GAREM2: variants seen among roughly 807,000 people sequenced by gnomAD.
GAREM2 encodes the protein GRB2-associated and regulator of MAPK protein 2.
In GAREM2, 30 loss-of-function variants were observed where a neutral mutation model predicts 55.6. That is an observed-to-expected ratio of 0.54 (90% CI 0.40 to 0.73). The LOEUF is 0.73. Among genes scored for constraint, GAREM2 ranks in the 30% least tolerant of loss-of-function variants. The pLI, the probability that GAREM2 is intolerant of heterozygous loss-of-function variation, is 0.00. For missense variants in GAREM2, 1,075 were observed against 1,257.7 expected, an observed-to-expected ratio of 0.85 and a Z score of 2.20; for synonymous variants, 550 against 569.1, an observed-to-expected ratio of 0.97 and a Z score of 0.48.
the GAREM2 span, chr2:26,195,319 A>G: frequency 8.8e-7 from 1 of 1,132,832 alleles, no homozygotes; most frequent in Non-Finnish European, 1.3e-6. Flanking sequence ...AAACACTAGA[A>G]AGAAAGGTGG....
intron 2 of GAREM2, among the ~76,000 whole-genome samples, chr2:26,178,467 T>C (rs1337090375): frequency 6.6e-6 from 1 of 152,064 alleles, no homozygotes; most frequent in East Asian, 1.9e-4. Context: ...GCCTGTAGTC[T>C]GGCTACTGGG....
At chr2:26,182,370 G>A in intron 2 of GAREM2, 1 of 1,536,674 alleles carries the variant, frequency 6.5e-7, no homozygotes, top group Non-Finnish European at 8.8e-7. Flanking sequence ...CAGGGTGTGG[G>A]AACAGAGCTG....
At chr2:26,178,572 G>A (rs193248647) in intron 2 of GAREM2, among the ~76,000 whole-genome samples, 39 of 152,258 alleles carry the variant, frequency 2.6e-4, no homozygotes, top group Non-Finnish European at 5.3e-4. Flanking sequence ...CTGGGAGACA[G>A]AGCAAGATGG....
chr2:26,186,122 G>A, intron 4 of GAREM2, 67 bp from the exon 5 acceptor site: 1 of 1,410,938 alleles, frequency 7.1e-7, no homozygotes, highest in Non-Finnish European at 9.4e-7. Flanking sequence ...CCAGCTGCTT[G>A]GGAAGGGGAA....
intron 2 of GAREM2, among the ~76,000 whole-genome samples, chr2:26,177,151 TG>T (rs1199417879): frequency 2.0e-5 from 3 of 152,050 alleles, no homozygotes; most frequent in African/African-American, 7.2e-5. Flanking sequence ...ACGGAAGGCT[TG>T]GGGGAGGAGG....
chr2:26,176,984 A>G (rs1574585580), intron 2 of GAREM2, among the ~76,000 whole-genome samples: 1 of 152,298 alleles, frequency 6.6e-6, no homozygotes, highest in Admixed American at 6.5e-5. Context: ...GGTTGACTTT[A>G]TAAGTGAATA....
At position 26,181,092 on chromosome 2, in the gene GAREM2, C is replaced by A. The variant is rs182223154; in HGVS notation, c.254-1875C>A. The A allele has an allele frequency of 2.1e-5, 21 of 985,496 alleles. No individual in the cohort carries two copies. In the African/African-American group the frequency reaches 3.5e-4, roughly 16 times the overall value. 61.0% of individuals were successfully genotyped at this position (985,496 alleles called of 1,614,324 possible). On this transcript the variant is annotated intron_variant, in intron 2 of 5. Coordinates refer to ENST00000401533, the MANE Select transcript of GAREM2 (RefSeq NM_001168241.2). Reference sequence around the variant, plus strand: ...CCAGAACCCCTTACTGGTTTGTTTACCTGACTGGTCTCCCGGTTATTTTAA... The same window carrying A: ...CCAGAACCCCTTACTGGTTTGTTTAACTGACTGGTCTCCCGGTTATTTTAA...
intron 3 of GAREM2, 125 bp downstream of exon 3, chr2:26,183,222 G>T: frequency 9.9e-7 from 1 of 1,005,934 alleles, no homozygotes. Context: ...GGACCCCTTA[G>T]GGGTCTTTGG....
At chr2:26,187,092 A>G in intron 5 of GAREM2, 139 bp from the exon 6 acceptor site, 1 of 1,240,848 alleles carries the variant, frequency 8.1e-7, no homozygotes, top group Non-Finnish European at 1.0e-6. Context: ...GCCATTCCGG[A>G]GGGTCTTGGG....
intron 2 of GAREM2, among the ~76,000 whole-genome samples, chr2:26,180,202 A>G (rs997583907): frequency 6.6e-6 from 1 of 151,936 alleles, no homozygotes; most frequent in African/African-American, 2.4e-5. Context: ...CTGCTCCGTG[A>G]TGATGCTTCA....
intron 2 of GAREM2, 32 bp from the exon 3 acceptor site, chr2:26,182,935 C>T (rs1005303405): frequency 3.9e-6 from 6 of 1,549,668 alleles, no homozygotes; most frequent in Admixed American, 2.0e-5. Flanking sequence ...CAGGCAGGCC[C>T]ACTCCAGCAA....
Position 26,173,349 on chromosome 2 carries a change from A to G in GAREM2, c.112+17A>G. Reference sequence around the variant, plus strand: ...TTGGGCCAGGTACCGGGGTCGCTGGAGATGGGGACCGGGGTCCGCGGGGAA... The same window carrying G: ...TTGGGCCAGGTACCGGGGTCGCTGGGGATGGGGACCGGGGTCCGCGGGGAA... On this transcript the variant is annotated intron_variant, in intron 1 of 5. Coordinates refer to ENST00000401533, the MANE Select transcript of GAREM2 (RefSeq NM_001168241.2). 7.5e-7 allele frequency: 1 copy of G among 1,328,238 alleles called. No individual in the cohort carries two copies. The allele number at this position is 1,328,238 out of a possible 1,614,324, so 82.3% of individuals were successfully genotyped here.
rs1488742612 is a variant in GAREM2 at position 26,179,238 on chromosome 2, T to G, written c.253+2754T>G. ...TGCGGGAGGGGCCAGGCGTCTTCCC[T>G]GAGCATGGTGCCACTTCCCCAGTGT... On this transcript the variant is annotated intron_variant, in intron 2 of 5. Transcript: ENST00000401533. The surrounding 1 kb of genome is among the most constrained non-coding windows in gnomAD (Gnocchi z 4.7). 6.6e-6 allele frequency among the ~76,000 whole-genome samples: 1 copy of G among 152,148 alleles called. No homozygotes were observed. The highest frequency in any genetic ancestry group is 6.5e-5 in the Admixed American group (1 of 15,276).
the GAREM2 span, chr2:26,194,713 G>A: frequency 1.1e-6 from 1 of 944,600 alleles, no homozygotes; most frequent in South Asian, 1.3e-5. Context: ...CTTTCCCAGG[G>A]TCACTTCAAA....
At chr2:26,194,453 G>C (rs1669604484), downstream of GAREM2, 3 of 759,628 alleles carry the variant, frequency 3.9e-6, no homozygotes, top group African/African-American at 1.7e-5. Context: ...GACCTTCCTA[G>C]ACAAGAGCAG....
downstream of GAREM2, among the ~76,000 whole-genome samples, chr2:26,192,121 G>C (rs1669524404): frequency 6.6e-6 from 1 of 151,950 alleles, no homozygotes; most frequent in Non-Finnish European, 1.5e-5. Flanking sequence ...TGGTCCTCCT[G>C]TTCAGGTATG....
chr2:26,203,428 T>C, the GAREM2 span, among the ~76,000 whole-genome samples: 5 of 152,198 alleles, frequency 3.3e-5, no homozygotes, highest in East Asian at 9.6e-4. Flanking sequence ...GCAGCATGTG[T>C]GTGATGGTGA....
At position 26,188,102 on chromosome 2, in the gene GAREM2, T is replaced by A; in HGVS notation, c.2470T>A (p.Ser824Thr). 1 of 1,551,036 alleles carries A rather than the reference T, an allele frequency of 6.4e-7. No individual in the cohort carries two copies. Among genetic ancestry groups the A allele is most frequent in the South Asian group, 1.2e-5 (1 of 83,832 alleles). The change falls in exon 6 of 6, where the codon TCA becomes ACA. Residue 824 changes from serine to threonine, a missense_variant. Coordinates refer to ENST00000401533, the MANE Select transcript of GAREM2 (RefSeq NM_001168241.2). ...VSRSLRFIGL[S>T]EDVVSFFARE... is the part of the protein sequence containing the mutation. ...TCGCAGTCTGCGTTTCATCGGGCTC[T>A]CAGAGGATGTGGTGAGCTTCTTTGC...
At chr2:26,197,820 G>A in the GAREM2 span, 11 of 951,520 alleles carry the variant, frequency 1.2e-5, no homozygotes, top group Non-Finnish European at 1.9e-5. Flanking sequence ...GTAGGCCTGG[G>A]AGATGATTAG....
Sources: allele counts gnomAD v4.1 joint callset (sites outside exome capture counted in the v4.1 genomes callset), GRCh38; gene constraint gnomAD v4.1.1; non-coding constraint Gnocchi (gnomAD v3.1); transcripts MANE v1.5; gene names NCBI Gene and HGNC (gene_info 2026-07-23, HGNC 2026-07-21).